Variants in GRID2 observed in about 807,000 individuals in gnomAD.
GRID2 encodes glutamate receptor ionotropic, delta-2.
Under a neutral mutation model 114.8 loss-of-function variants are expected in GRID2, and 33 were observed. That is an observed-to-expected ratio of 0.29 (90% CI 0.22 to 0.38). GRID2 has a LOEUF of 0.38. Ranked by LOEUF, GRID2 falls within the 10% of genes least tolerant of loss-of-function variation. The pLI, the probability that GRID2 is intolerant of heterozygous loss-of-function variation, is 1.00. For synonymous variants in GRID2, 505 were observed against 449.9 expected, an observed-to-expected ratio of 1.12 and a Z score of -1.55; for missense variants, 1,184 against 1,257.7, an observed-to-expected ratio of 0.94 and a Z score of 0.89.
chr4:93,561,290 C>T (rs1239488166), intron 13 of GRID2, among the ~76,000 whole-genome samples: 1 of 152,046 alleles, frequency 6.6e-6, no homozygotes, highest in Non-Finnish European at 1.5e-5. Flanking sequence ...TATGTTAGTA[C>T]CAGCTTTTTA....
chr4:92,586,765 C>T (rs536645805), intron 1 of GRID2, among the ~76,000 whole-genome samples: 7 of 151,334 alleles, frequency 4.6e-5, no homozygotes, highest in East Asian at 1.9e-4. Context: ...TCCATTAGTC[C>T]GTGAAAATTG....
chr4:92,940,958 G>C (rs887204129), intron 2 of GRID2, among the ~76,000 whole-genome samples: 1 of 152,180 alleles, frequency 6.6e-6, no homozygotes, highest in Non-Finnish European at 1.5e-5. Context: ...TGTGCTGCTG[G>C]ATTCGGTTTG....
At chr4:92,427,068 C>T (rs981050450) in intron 1 of GRID2, among the ~76,000 whole-genome samples, 1 of 152,080 alleles carries the variant, frequency 6.6e-6, no homozygotes, top group African/African-American at 2.4e-5. Flanking sequence ...AAATAGTGGA[C>T]TTGAATTCAG....
chr4:92,338,633 A>T (rs965627975), intron 1 of GRID2, among the ~76,000 whole-genome samples: 1 of 152,110 alleles, frequency 6.6e-6, no homozygotes, highest in Non-Finnish European at 1.5e-5. Context: ...AAACATAGCT[A>T]TCTATCTAAA....
At chr4:93,510,752 A>G (rs1729084996) in intron 12 of GRID2, among the ~76,000 whole-genome samples, 1 of 152,144 alleles carries the variant, frequency 6.6e-6, no homozygotes, top group African/African-American at 2.4e-5. Flanking sequence ...TTATTAAATA[A>G]GGCATTGTGG....
intron 2 of GRID2, among the ~76,000 whole-genome samples, chr4:92,687,054 A>G (rs1733939974): frequency 6.6e-6 from 1 of 152,176 alleles, no homozygotes; most frequent in African/African-American, 2.4e-5. Flanking sequence ...ACAAACTTCA[A>G]ATAAGTCATA....
chr4:92,740,672 CATAG>C (rs146022855), intron 2 of GRID2, among the ~76,000 whole-genome samples: 179 of 85,936 alleles, frequency 2.1e-3, no homozygotes, highest in African/African-American at 4.5e-3. Context: ...GTTTATTCTG[CATAG>C]ATAGATAGAT....
At chr4:92,497,446 A>G (rs146591499) in intron 1 of GRID2, among the ~76,000 whole-genome samples, 188 of 151,962 alleles carry the variant, frequency 1.2e-3, no homozygotes, top group African/African-American at 4.3e-3. Context: ...AACTACCTGA[A>G]AGCATTACTA....
intron 2 of GRID2, among the ~76,000 whole-genome samples, chr4:92,888,861 C>T (rs1346705958): frequency 6.6e-6 from 1 of 150,672 alleles, no homozygotes; most frequent in East Asian, 1.9e-4. Context: ...CCTATTAGAT[C>T]ACTTGGAAAG....
Position 92,938,169 on chromosome 4 carries a change from C to T in GRID2, c.245-146826C>T, listed in dbSNP as rs566546943. Among the ~76,000 whole-genome samples, 4 of 146,360 alleles carry T rather than the reference C, an allele frequency of 2.7e-5. 1 individual carries two copies. Among genetic ancestry groups the T allele is most frequent in the East Asian group, 4.4e-4 (2 of 4,572 alleles). On this transcript the variant is annotated intron_variant, in intron 2 of 15. Coordinates refer to ENST00000282020, the MANE Select transcript of GRID2 (RefSeq NM_001510.4). ...ATTGATTGAGTTTTGTATGTTGAAC[C>T]ACCCTGGTATTGCTGAAATAAATCA...
intron 14 of GRID2, among the ~76,000 whole-genome samples, chr4:93,655,606 A>T (rs1722931042): frequency 6.6e-6 from 1 of 152,170 alleles, no homozygotes; most frequent in Non-Finnish European, 1.5e-5. Context: ...AATTCTTTCT[A>T]AAGATGTTGT....
chr4:92,613,107 A>T (rs931924240), intron 2 of GRID2, among the ~76,000 whole-genome samples: 1 of 151,368 alleles, frequency 6.6e-6, no homozygotes, highest in African/African-American at 2.4e-5. Flanking sequence ...TAATACTCAT[A>T]GTTTGTTGAG....
chr4:92,528,746 C>A (rs1309100946), intron 1 of GRID2, among the ~76,000 whole-genome samples: 1 of 147,404 alleles, frequency 6.8e-6, no homozygotes, highest in African/African-American at 2.5e-5. Flanking sequence ...AGGAAGGGGT[C>A]GAACATACTT....
chr4:93,323,877 G>T (rs534196261), intron 8 of GRID2, among the ~76,000 whole-genome samples: 35 of 152,058 alleles, frequency 2.3e-4, no homozygotes, highest in Admixed American at 1.2e-3. Flanking sequence ...AGAATGCTTG[G>T]GATTTTTGCA....
intron 2 of GRID2, among the ~76,000 whole-genome samples, chr4:93,012,087 A>G (rs1387062225): frequency 6.6e-6 from 1 of 151,588 alleles, no homozygotes; most frequent in Non-Finnish European, 1.5e-5. Context: ...GGCTGAAAAA[A>G]AAAAAAAAAA....
chr4:92,394,476 G>A (rs1003270048), intron 1 of GRID2, among the ~76,000 whole-genome samples: 5 of 151,850 alleles, frequency 3.3e-5, no homozygotes, highest in Non-Finnish European at 7.4e-5. Flanking sequence ...TTCCTGATCT[G>A]GCTGTGGCTA....
intron 1 of GRID2, among the ~76,000 whole-genome samples, chr4:92,526,413 G>A (rs895321236): frequency 7.2e-5 from 11 of 152,014 alleles, no homozygotes; most frequent in Non-Finnish European, 1.3e-4. Flanking sequence ...GAGCGATCTC[G>A]GCTCACTGCA....
Position 92,901,152 on chromosome 4 carries a change from A to T in GRID2, c.245-183843A>T, listed in dbSNP as rs569322751. Among the ~76,000 whole-genome samples, 57 of 152,294 alleles carry T rather than the reference A, an allele frequency of 3.7e-4. No individual in the cohort carries two copies. In the South Asian group the frequency reaches 4.1e-3, roughly 11 times the overall value. On this transcript the variant is annotated intron_variant, in intron 2 of 15. Transcript: ENST00000282020. ...CTCTAGTTATTTGATAAATCTCCAT[A>T]CTGTTTTCCATAGATGTTGTATTAA... is the stretch of plus-strand genomic sequence containing the variant.
At chr4:92,626,021 C>G (rs1011691406) in intron 2 of GRID2, among the ~76,000 whole-genome samples, 2 of 151,742 alleles carry the variant, frequency 1.3e-5, no homozygotes, top group South Asian at 2.1e-4. Context: ...TCTAGATATC[C>G]TAATTTTCAC....
Sources: gnomAD v4.1 joint callset for allele counts (sites outside exome capture counted in the v4.1 genomes callset) on GRCh38, gnomAD v4.1.1 for gene constraint, MANE v1.5 for transcripts, NCBI Gene and HGNC (gene_info 2026-07-23, HGNC 2026-07-21) for gene names.